RBPJ: variants seen among roughly 807,000 people sequenced by gnomAD.
RBPJ encodes the protein recombining binding protein suppressor of hairless.
Under a neutral mutation model 67.8 loss-of-function variants are expected in RBPJ, and 9 were observed. The observed-to-expected ratio is 0.13, with a 90% CI of 0.08 to 0.23. The LOEUF (loss-of-function observed/expected upper bound fraction) is 0.23. Ranked by LOEUF, RBPJ falls within the 10% of genes least tolerant of loss-of-function variation. RBPJ has a pLI of 1.00. For synonymous variants in RBPJ, 198 were observed against 203.3 expected, an observed-to-expected ratio of 0.97 and a Z score of 0.22; for missense variants, 305 against 595.6, an observed-to-expected ratio of 0.51 and a Z score of 5.08.
At position 26,412,245 on chromosome 4, in the gene RBPJ, A is replaced by G. The variant is rs751022437; in HGVS notation, c.156-3230A>G. Among the ~76,000 whole-genome samples, 4 of 152,138 alleles carry G rather than the reference A, an allele frequency of 2.6e-5. No homozygotes were observed. In the East Asian group the frequency reaches 7.7e-4, roughly 29 times the overall value. The stretch of plus-strand genomic sequence containing the variant: ...AAATCTGAAAACCCCGAGTGCCAAC[A>G]TGACCCTGTAAGAGTCTTGCTCTGT... On this transcript the variant is annotated intron_variant, in intron 3 of 10. Coordinates refer to ENST00000355476, the MANE Select transcript of RBPJ (RefSeq NM_015874.6).
At chr4:26,186,053 A>G (rs1717241738) in intron 1 of RBPJ, among the ~76,000 whole-genome samples, 1 of 152,184 alleles carries the variant, frequency 6.6e-6, no homozygotes, top group Non-Finnish European at 1.5e-5. Context: ...TCTCAAGAAA[A>G]AAACAAAAAG....
intron 1 of RBPJ, among the ~76,000 whole-genome samples, chr4:26,209,273 C>T (rs967943301): frequency 6.6e-6 from 1 of 152,004 alleles, no homozygotes; most frequent in Non-Finnish European, 1.5e-5. Context: ...AAAATATGAT[C>T]TTTGCTGATG....
chr4:26,326,093 T>G (rs908993237), intron 1 of RBPJ, among the ~76,000 whole-genome samples: 1 of 152,156 alleles, frequency 6.6e-6, no homozygotes, highest in African/African-American at 2.4e-5. Context: ...CTCAGTGCTT[T>G]GAAATCTTGG....
chr4:26,420,571 A>G lies in RBPJ; in HGVS notation c.342A>G (p.Thr114=), dbSNP rs763180854. 1.9e-6 allele frequency: 3 copies of G among 1,606,362 alleles called. No homozygotes were observed. Among genetic ancestry groups the G allele is most frequent in the South Asian group, 2.3e-5 (2 of 88,872 alleles). The stretch of plus-strand genomic sequence containing the variant: ...CACAGAACTATTGCACAGCCAAAAC[A>G]TTGTATATATCTGACTCAGACAAGC... ...LEGKNYCTAK[T]LYISDSDKRK... The change falls in exon 5 of 11, where the codon ACA becomes ACG. Residue 114 remains threonine, a synonymous_variant. Coordinates refer to ENST00000355476, the MANE Select transcript of RBPJ (RefSeq NM_015874.6).
chr4:26,280,301 C>T (rs549872670), intron 1 of RBPJ, among the ~76,000 whole-genome samples: 25 of 148,668 alleles, frequency 1.7e-4, no homozygotes, highest in African/African-American at 3.2e-4. Context: ...GAGGCTGAGG[C>T]GGGAGAATTG....
At chr4:26,374,630 C>T (rs1729521529) in intron 1 of RBPJ, among the ~76,000 whole-genome samples, 1 of 152,062 alleles carries the variant, frequency 6.6e-6, no homozygotes, top group Admixed American at 6.5e-5. Context: ...TGCGCACCAC[C>T]ATGCCCAGCT....
chr4:26,328,977 G>GGT (rs1421278518), intron 1 of RBPJ, among the ~76,000 whole-genome samples: 4 of 152,058 alleles, frequency 2.6e-5, no homozygotes, highest in Non-Finnish European at 4.4e-5. Context: ...AGAGGACAAG[G>GGT]GTAAGGTATT....
intron 1 of RBPJ, 98 bp downstream of exon 1, chr4:26,321,146 C>A: frequency 1.2e-6 from 1 of 806,814 alleles, no homozygotes; most frequent in Non-Finnish European, 1.8e-6. Flanking sequence ...GCGCGCTTGG[C>A]GTTCGGGGGC....
At chr4:26,303,280 T>A (rs1304504932) in intron 1 of RBPJ, among the ~76,000 whole-genome samples, 1 of 143,242 alleles carries the variant, frequency 7.0e-6, no homozygotes, top group African/African-American at 2.6e-5. Context: ...CCATATGAAA[T>A]ATATATATAT....
chr4:26,106,300 AG>A, the RBPJ span, among the ~76,000 whole-genome samples: 2 of 152,242 alleles, frequency 1.3e-5, no homozygotes, highest in Non-Finnish European at 2.9e-5. Flanking sequence ...TGGAATCACT[AG>A]TGAAAGCTTT....
At chr4:26,266,971 C>A (rs576798130) in intron 1 of RBPJ, among the ~76,000 whole-genome samples, 14 of 152,172 alleles carry the variant, frequency 9.2e-5, no homozygotes, top group Non-Finnish European at 1.9e-4. Flanking sequence ...TATAGAGGTT[C>A]TTTTCTTCTC....
chr4:26,143,892 C>T, the RBPJ span, among the ~76,000 whole-genome samples: 1 of 152,160 alleles, frequency 6.6e-6, no homozygotes, highest in Non-Finnish European at 1.5e-5. Flanking sequence ...GGTACCACTG[C>T]ACTCCAGCCT....
At chr4:26,321,112 C>T (rs1361268891) in intron 1 of RBPJ, 64 bp downstream of exon 1, 121 of 1,369,026 alleles carry the variant, frequency 8.8e-5, no homozygotes, top group Admixed American at 1.6e-4. Flanking sequence ...CAGCTCACGG[C>T]GGGCAGCGGG....
At chr4:26,158,925 G>T (rs1716023968), upstream of RBPJ, among the ~76,000 whole-genome samples, 1 of 123,564 alleles carries the variant, frequency 8.1e-6, no homozygotes, top group African/African-American at 3.0e-5. Flanking sequence ...CTTTTAAGAA[G>T]ACTTTCTCCC....
chr4:26,431,899 G>T lies in RBPJ; in HGVS notation c.*892G>T, dbSNP rs1159105226. On this transcript the variant is annotated 3_prime_UTR_variant, in exon 11 of 11. Coordinates refer to ENST00000355476, the MANE Select transcript of RBPJ (RefSeq NM_015874.6). ...TTCTAACATTCACATGCAATTTGGTGTGGCCATTTAGCTATTAATGAGTTA... is the reference window on the plus strand; with the variant it reads ...TTCTAACATTCACATGCAATTTGGTTTGGCCATTTAGCTATTAATGAGTTA... 1 of 152,066 alleles carries T rather than the reference G, an allele frequency of 6.6e-6. No homozygotes were observed. The highest frequency in any genetic ancestry group is 1.5e-5 in the Non-Finnish European group (1 of 68,024). The allele number at this position is 152,066 out of a possible 1,614,324, so 9.4% of individuals were successfully genotyped here. A position where few individuals can be genotyped will look rare whatever the true frequency, so the allele number is the denominator to read the frequency against.
chr4:26,318,700 A>G (rs1457260297), upstream of RBPJ, among the ~76,000 whole-genome samples: 2 of 152,270 alleles, frequency 1.3e-5, no homozygotes, highest in East Asian at 3.9e-4. Flanking sequence ...TAGATTAGAA[A>G]GAAAACAACC....
At chr4:26,404,585 G>A (rs1733196478) in intron 2 of RBPJ, among the ~76,000 whole-genome samples, 1 of 152,018 alleles carries the variant, frequency 6.6e-6, no homozygotes, top group South Asian at 2.1e-4. Flanking sequence ...TAAGAGCTTG[G>A]GCATGACAAT....
At chr4:26,303,426 C>A (rs1316845272) in intron 1 of RBPJ, among the ~76,000 whole-genome samples, 2 of 138,802 alleles carry the variant, frequency 1.4e-5, no homozygotes, top group Non-Finnish European at 3.1e-5. Flanking sequence ...GATTGTGCCA[C>A]TGCACTCCAG....
At chr4:26,201,810 G>A (rs1298671137) in intron 1 of RBPJ, among the ~76,000 whole-genome samples, 1 of 152,136 alleles carries the variant, frequency 6.6e-6, no homozygotes, top group African/African-American at 2.4e-5. Flanking sequence ...GTTTCTCTTG[G>A]TTTATTCTTG....
Sources: gnomAD v4.1 joint callset for allele counts (sites outside exome capture counted in the v4.1 genomes callset) on GRCh38, gnomAD v4.1.1 for gene constraint, MANE v1.5 for transcripts, NCBI Gene and HGNC (gene_info 2026-07-23, HGNC 2026-07-21) for gene names.